Variants in DGKB observed in about 807,000 individuals in gnomAD.
DGKB encodes the protein diacylglycerol kinase beta, also known as 90 kDa diacylglycerol kinase.
In DGKB, 67 loss-of-function variants were observed where a neutral mutation model predicts 114.3. The observed-to-expected ratio is 0.59, with a 90% confidence interval of 0.48 to 0.72. The LOEUF (loss-of-function observed/expected upper bound fraction) is 0.72, where lower values mean the gene tolerates loss of function less well. Among genes scored for constraint, DGKB ranks in the 30% least tolerant of loss-of-function variants. The probability of loss-of-function intolerance (pLI) is 0.00; values close to 1 mark genes in which losing one functional copy is unlikely to be tolerated. For missense variants in DGKB, 907 were observed against 975.2 expected (o/e 0.93, Z 0.93); for synonymous variants, 398 against 323.1 (o/e 1.23, Z -2.49).
intron 1 of DGKB, among the ~76,000 whole-genome samples, chr7:14,919,987 G>T (rs1050738827): frequency 1.3e-5 from 2 of 152,050 alleles, no homozygotes; most frequent in Non-Finnish European, 1.5e-5. Flanking sequence ...AATAAACCTC[G>T]TTCCTATATA....
intron 17 of DGKB, among the ~76,000 whole-genome samples, chr7:14,593,608 T>C (rs1206843110): frequency 6.6e-6 from 1 of 151,972 alleles, no homozygotes; most frequent in Non-Finnish European, 1.5e-5. Context: ...AAATTTTTTC[T>C]ATTGCATGGA....
intron 21 of DGKB, among the ~76,000 whole-genome samples, chr7:14,368,586 T>C (rs558927432): frequency 2.0e-5 from 3 of 151,814 alleles, no homozygotes; most frequent in Non-Finnish European, 2.9e-5. Context: ...TGTGTGTGTG[T>C]GTGTGTGTGT....
chr7:14,662,093 A>G (rs1049626612), intron 13 of DGKB, among the ~76,000 whole-genome samples: 6 of 152,114 alleles, frequency 3.9e-5, no homozygotes, highest in Non-Finnish European at 8.8e-5. Context: ...AATGGGAGAT[A>G]TACCTAATGC....
At chr7:14,328,929 G>A (rs762535182) in intron 23 of DGKB, among the ~76,000 whole-genome samples, 43 of 151,818 alleles carry the variant, frequency 2.8e-4, no homozygotes, top group Middle Eastern at 3.2e-3. Flanking sequence ...TGACAAACTC[G>A]AATTTATTAA....
intron 25 of DGKB, among the ~76,000 whole-genome samples, chr7:14,152,943 C>T (rs542984931): frequency 3.0e-4 from 45 of 152,204 alleles, no homozygotes; most frequent in African/African-American, 1.1e-3. Flanking sequence ...TCATCCACCT[C>T]TTTGAGCTGC....
At chr7:14,479,966 T>A (rs1782742655) in intron 20 of DGKB, among the ~76,000 whole-genome samples, 1 of 152,000 alleles carries the variant, frequency 6.6e-6, no homozygotes, top group African/African-American at 2.4e-5. Context: ...AGGGAGAGTA[T>A]CATTGAATTT....
chr7:14,536,702 A>G (rs1207207033), intron 20 of DGKB, among the ~76,000 whole-genome samples: 1 of 152,198 alleles, frequency 6.6e-6, no homozygotes, highest in Non-Finnish European at 1.5e-5. Context: ...ACATATGAAT[A>G]TCCTACAACT....
intron 21 of DGKB, among the ~76,000 whole-genome samples, chr7:14,459,561 T>C (rs1832775519): frequency 6.6e-6 from 1 of 151,756 alleles, no homozygotes; most frequent in African/African-American, 2.4e-5. Flanking sequence ...GAAAAAAGAA[T>C]GAAAAGGAAT....
Position 14,715,502 on chromosome 7 carries a change from T to C in DGKB, c.466+3040A>G, listed in dbSNP as rs187659142. On this transcript the variant is annotated intron_variant, in intron 6 of 25. Transcript: ENST00000402815. The stretch of plus-strand genomic sequence containing the variant: ...TGGTACCAACAAGGAGAGATAAAAA[T>C]GGAATTCCCCACAACCCCAACACAC... 3.5e-3 allele frequency among the ~76,000 whole-genome samples: 538 copies of C among 152,092 alleles called. 1 individual carries two copies. The highest frequency in any genetic ancestry group is 6.0e-3 in the Non-Finnish European group (411 of 67,996).
At chr7:14,427,268 C>A (rs979126553) in intron 21 of DGKB, among the ~76,000 whole-genome samples, 1 of 152,090 alleles carries the variant, frequency 6.6e-6, no homozygotes, top group Non-Finnish European at 1.5e-5. Context: ...TAAAATGCAA[C>A]AAGAGTCACC....
chr7:14,886,568 A>G (rs1229351840), intron 1 of DGKB, among the ~76,000 whole-genome samples: 3 of 151,878 alleles, frequency 2.0e-5, no homozygotes, highest in South Asian at 2.1e-4. Flanking sequence ...TTCCTCATAT[A>G]CTAATTTCAG....
chr7:14,550,098 C>G (rs966401054), intron 20 of DGKB, among the ~76,000 whole-genome samples: 6 of 151,766 alleles, frequency 4.0e-5, no homozygotes, highest in African/African-American at 1.4e-4. Flanking sequence ...ATTTAAAATT[C>G]TAGTTTGGGG....
At chr7:14,303,337 C>T (rs998687679) in intron 23 of DGKB, among the ~76,000 whole-genome samples, 2 of 151,988 alleles carry the variant, frequency 1.3e-5, no homozygotes, top group Non-Finnish European at 2.9e-5. Flanking sequence ...CTGTATTTCC[C>T]GCCGTAGTTA....
At chr7:14,248,989 G>T (rs1040353804) in intron 23 of DGKB, among the ~76,000 whole-genome samples, 1 of 152,090 alleles carries the variant, frequency 6.6e-6, no homozygotes, top group East Asian at 1.9e-4. Flanking sequence ...CTTGTATGGC[G>T]TTTATTACGT....
chr7:14,933,463 A>G lies in DGKB; in HGVS notation c.-188+41233T>C, dbSNP rs561838185. On this transcript the variant is annotated intron_variant, in intron 1 of 4. Transcript: ENST00000437998. ...TTTGCATATCATATATGTGTACTCT[A>G]TGTATTGAATGAATAGAATGCATTT... 7.4e-4 allele frequency among the ~76,000 whole-genome samples: 112 copies of G among 152,230 alleles called. 1 individual carries two copies. Among genetic ancestry groups the G allele is most frequent in the Non-Finnish European group, 1.2e-3 (85 of 68,022 alleles).
At chr7:14,771,158 A>G (rs1316004010) in intron 2 of DGKB, among the ~76,000 whole-genome samples, 2 of 152,122 alleles carry the variant, frequency 1.3e-5, no homozygotes, top group African/African-American at 4.8e-5. Context: ...GAGGCTCCAG[A>G]GGAAGGTCTT....
rs62443523 is a variant in DGKB at position 14,552,145 on chromosome 7, C to T, written c.1770+22067G>A. ...TCCCTGAGCCCTTACTTATTTGTAT[C>T]ACCTCTAGCCACATGCAAGGGAATA... On this transcript the variant is annotated intron_variant, in intron 20 of 25. Transcript: ENST00000402815. 3.4e-3 allele frequency among the ~76,000 whole-genome samples: 510 copies of T among 152,160 alleles called. 2 individuals are homozygous for T. Among genetic ancestry groups the T allele is most frequent in the Non-Finnish European group, 4.1e-3 (276 of 68,004 alleles).
Position 14,177,316 on chromosome 7 carries a change from G to A in DGKB, c.2244-417C>T, listed in dbSNP as rs140424285. On this transcript the variant is annotated intron_variant, in intron 24 of 25. Transcript: ENST00000402815. ...ATCAATTATTCCTGTGCTACAATCC[G>A]TGGCTTCACCTGGGCAGATCACGAG... 3.9e-3 allele frequency among the ~76,000 whole-genome samples: 588 copies of A among 151,952 alleles called. 14 individuals carry two copies. Among genetic ancestry groups the A allele is most frequent in the Admixed American group, 0.036 (551 of 15,240 alleles).
At chr7:14,833,428 A>G (rs1846700155) in intron 2 of DGKB, among the ~76,000 whole-genome samples, 1 of 152,026 alleles carries the variant, frequency 6.6e-6, no homozygotes, top group African/African-American at 2.4e-5. Flanking sequence ...TTGTGTTTTT[A>G]TGAAGATTGA....
Sources: gnomAD v4.1 joint callset for allele counts (sites outside exome capture counted in the v4.1 genomes callset) on GRCh38, gnomAD v4.1.1 for gene constraint, MANE v1.5 for transcripts, NCBI Gene and HGNC (gene_info 2026-07-23, HGNC 2026-07-21) for gene names.